The following ADCYAP1R1 variants were observed in gnomAD, a reference collection of about 807,000 sequenced individuals.
ADCYAP1R1 encodes ADCYAP receptor type I.
Under a neutral mutation model 67.6 loss-of-function variants are expected in ADCYAP1R1, and 44 were observed. The observed-to-expected ratio is 0.65, with a 90% CI of 0.51 to 0.84. The LOEUF (loss-of-function observed/expected upper bound fraction) is 0.84. ADCYAP1R1 is among the 40% of genes least tolerant of loss of function. The pLI is 0.00. For missense variants in ADCYAP1R1, 477 were observed against 587.9 expected (o/e 0.81, Z 1.95); for synonymous variants, 222 against 219.6 (o/e 1.01, Z -0.10).
At chr7:31,100,081 C>T (rs1382655332) in intron 13 of ADCYAP1R1, 3 of 1,526,382 alleles carry the variant, frequency 2.0e-6, no homozygotes, top group Non-Finnish European at 2.7e-6. Flanking sequence ...TTCTTCACTG[C>T]CTGGTGCCCC....
At chr7:31,058,933 A>G (rs1340519070) in intron 1 of ADCYAP1R1, among the ~76,000 whole-genome samples, 1 of 152,212 alleles carries the variant, frequency 6.6e-6, no homozygotes, top group African/African-American at 2.4e-5. Context: ...CACCTCCGCC[A>G]TAGAAGGAGC....
rs377208544 is a variant in ADCYAP1R1, at chr7:31,106,729, C to T, written c.*45C>T. On this transcript the variant is annotated 3_prime_UTR_variant, in exon 16 of 16. Transcript: ENST00000304166. ...CCTCTCCTCCATCCACAGGCTGGGA[C>T]CGCAGGCAGGTGCCAGCCCACGCAT... 6.6e-5 allele frequency: 101 copies of T among 1,534,138 alleles called. No homozygotes were observed. The African/African-American group carries it at 1.3e-3, about 19-fold the overall frequency.
chr7:31,064,623 C>G (rs1455174561), intron 2 of ADCYAP1R1, among the ~76,000 whole-genome samples: 1 of 152,154 alleles, frequency 6.6e-6, no homozygotes, highest in Non-Finnish European at 1.5e-5. Flanking sequence ...TGTCCAAAGC[C>G]ACACATTGAG....
chr7:31,076,301 G>A lies in ADCYAP1R1; in HGVS notation c.158-1690G>A, dbSNP rs562435697. Among the ~76,000 whole-genome samples, 7 of 152,314 alleles carry A rather than the reference G, an allele frequency of 4.6e-5. No homozygotes were observed. In the East Asian group the frequency reaches 1.4e-3, roughly 29 times the overall value. ...AGTGAAGAGGTCGCTGGTGACCTTGGTGAGAGGTGTTTCAGCATTGTGGGA... is the reference window on the plus strand; with the variant it reads ...AGTGAAGAGGTCGCTGGTGACCTTGATGAGAGGTGTTTCAGCATTGTGGGA... On this transcript the variant is annotated intron_variant, in intron 3 of 15. Coordinates refer to ENST00000304166, the MANE Select transcript of ADCYAP1R1 (RefSeq NM_001118.5).
At chr7:31,084,684 T>C in intron 7 of ADCYAP1R1, 53 bp from the exon 8 acceptor site, 1 of 1,493,320 alleles carries the variant, frequency 6.7e-7, no homozygotes, top group Non-Finnish European at 9.3e-7. Flanking sequence ...TGAGGCAGCC[T>C]GGCTGTGGGC....
chr7:31,060,826 G>T lies in ADCYAP1R1; in HGVS notation c.-71-2368G>T, dbSNP rs1783775712. Among the ~76,000 whole-genome samples the T allele has an allele frequency of 2.6e-5, 4 of 152,316 alleles. No individual in the cohort carries two copies. In the South Asian group the frequency reaches 8.3e-4, roughly 32 times the overall value. ...CCCACCAGAGCTGTTCAAACTCCTAGTTCCTCTGTGCCAGCTCCCTGGGTT... is the reference window on the plus strand; with the variant it reads ...CCCACCAGAGCTGTTCAAACTCCTATTTCCTCTGTGCCAGCTCCCTGGGTT... On this transcript the variant is annotated intron_variant, in intron 1 of 15. Transcript: ENST00000304166.
At position 31,063,183 on chromosome 7, in the gene ADCYAP1R1, T is replaced by C; in HGVS notation, c.-71-11T>C. On this transcript the variant is annotated splice_polypyrimidine_tract_variant and intron_variant, in intron 1 of 15. Coordinates refer to ENST00000304166, the MANE Select transcript of ADCYAP1R1 (RefSeq NM_001118.5). ...GGGCTCACAGGATTCACACCTTTCC[T>C]TCCTCTCTAGCCCAGAGACACATTG... 6.4e-7 allele frequency: 1 copy of C among 1,566,756 alleles called. No individual in the cohort carries two copies. Among genetic ancestry groups the C allele is most frequent in the East Asian group, 2.2e-5 (1 of 44,624 alleles).
In ADCYAP1R1 at chr7:31,092,735, T is replaced by C. The variant is rs1163985768; in HGVS notation, c.1046T>C (p.Leu349Ser). The change falls in exon 13 of 16, where the codon TTG becomes TCG. Residue 349 changes from leucine to serine, a missense_variant and splice_region_variant. Coordinates refer to ENST00000304166, the MANE Select transcript of ADCYAP1R1 (RefSeq NM_001118.5). ...DMGGNESSIY[L>S]RLARSTLLLI... ...GGAGGCAATGAGTCCAGCATCTACTTGTAAGTACCATTGTGTGGCTGCCAC... is the reference window on the plus strand; with the variant it reads ...GGAGGCAATGAGTCCAGCATCTACTCGTAAGTACCATTGTGTGGCTGCCAC... The C allele has an allele frequency of 6.2e-7, 1 of 1,608,068 alleles. No homozygotes were observed.
At chr7:31,066,309 C>T (rs1330937716) in intron 3 of ADCYAP1R1, among the ~76,000 whole-genome samples, 1 of 152,180 alleles carries the variant, frequency 6.6e-6, no homozygotes. Context: ...GCGACAAAAT[C>T]ATCCAGGAGG....
chr7:31,065,046 T>C, intron 3 of ADCYAP1R1, 110 bp downstream of exon 3: 1 of 740,770 alleles, frequency 1.3e-6, no homozygotes. Flanking sequence ...TTCTGGGGAC[T>C]TCAGAAGGCC....
At position 31,086,546 on chromosome 7, in the gene ADCYAP1R1, C is replaced by T; in HGVS notation, c.823+9C>T. 6.2e-7 allele frequency: 1 copy of T among 1,614,130 alleles called. No individual in the cohort carries two copies. The highest frequency in any genetic ancestry group is 8.5e-7 in the Non-Finnish European group (1 of 1,179,996). On this transcript the variant is annotated intron_variant, in intron 10 of 15. Transcript: ENST00000304166. This position sits in a 1 kb window ranked among gnomAD's most constrained non-coding sequence, Gnocchi z 5.0. Reference sequence around the variant, plus strand: ...CACCATCATTGGCTGGGGTAGGTTCCTGGCTGTGGCTTGGACAGGTTCAGG... The same window carrying T: ...CACCATCATTGGCTGGGGTAGGTTCTTGGCTGTGGCTTGGACAGGTTCAGG...
chr7:31,060,049 T>C (rs992221229), intron 1 of ADCYAP1R1, among the ~76,000 whole-genome samples: 1 of 150,536 alleles, frequency 6.6e-6, no homozygotes, highest in Non-Finnish European at 1.5e-5. Flanking sequence ...TTACCCTGGG[T>C]CACTGGGCTG....
chr7:31,053,005 G>A (rs1284124818), intron 1 of ADCYAP1R1, among the ~76,000 whole-genome samples: 1 of 152,236 alleles, frequency 6.6e-6, no homozygotes, highest in African/African-American at 2.4e-5. Flanking sequence ...CTCCTGATGC[G>A]GAGAAGGGAG....
chr7:31,087,082 C>A, intron 11 of ADCYAP1R1, 79 bp downstream of exon 11: 1 of 1,488,438 alleles, frequency 6.7e-7, no homozygotes, highest in Non-Finnish European at 9.4e-7. Context: ...GCCCTGACTT[C>A]ACATGAACTG....
rs58719181 is a variant in ADCYAP1R1, at chr7:31,102,867, C to T, written c.1047-370C>T. 0.082 allele frequency among the ~76,000 whole-genome samples: 12,452 copies of T among 152,242 alleles called. 593 individuals carry two copies. The highest frequency in any genetic ancestry group is 0.15 in the Middle Eastern group (45 of 294). ...AGAGCTTTCTTCCAGAACAGGAGAG[C>T]GGCTGCTCTGCCTGAGGACCCTGCA... On this transcript the variant is annotated intron_variant, in intron 13 of 15. Transcript: ENST00000304166. The surrounding 1 kb of genome is among the most constrained non-coding windows in gnomAD (Gnocchi z 4.3).
chr7:31,085,372 C>T lies in ADCYAP1R1; in HGVS notation c.599C>T (p.Ala200Val), dbSNP rs1409233204. ...CTGTTTGTGTCGTTCATGCTGAGGG[C>T]GATCTCCGTCTTCATCAAAGACTGG... ...MNLFVSFMLR[A>V]ISVFIKDWIL... The change falls in exon 9 of 16, where the codon GCG becomes GTG. Residue 200 changes from alanine to valine, a missense_variant. Coordinates refer to ENST00000304166, the MANE Select transcript of ADCYAP1R1 (RefSeq NM_001118.5). 12 of 1,613,916 alleles carry T rather than the reference C, an allele frequency of 7.4e-6. No homozygotes were observed. Among genetic ancestry groups the T allele is most frequent in the Non-Finnish European group, 9.3e-6 (11 of 1,180,022 alleles).
At chr7:31,097,861 A>C (rs568683828) in intron 13 of ADCYAP1R1, among the ~76,000 whole-genome samples, 1 of 152,092 alleles carries the variant, frequency 6.6e-6, no homozygotes, top group Non-Finnish European at 1.5e-5. Context: ...ACCCAAGCCA[A>C]GGTTGAGGGG....
intron 3 of ADCYAP1R1, among the ~76,000 whole-genome samples, chr7:31,073,131 T>G (rs1383555111): frequency 6.6e-6 from 1 of 152,206 alleles, no homozygotes; most frequent in Non-Finnish European, 1.5e-5. Context: ...GACAGTAAGT[T>G]TGCTTACAAA....
At position 31,061,115 on chromosome 7, in the gene ADCYAP1R1, C is replaced by T. The variant is rs143206535; in HGVS notation, c.-71-2079C>T. 1.8e-3 allele frequency among the ~76,000 whole-genome samples: 271 copies of T among 152,356 alleles called. 2 individuals are homozygous for T. Among genetic ancestry groups the T allele is most frequent in the African/African-American group, 6.3e-3 (264 of 41,592 alleles). On this transcript the variant is annotated intron_variant, in intron 1 of 15. Transcript: ENST00000304166. ...CGGGGTAGTGCTGCTGCCACCTCAA[C>T]GTGTTGCTGGGAGCAAGGAGCTCTG...
Sources: allele counts gnomAD v4.1 joint callset (sites outside exome capture counted in the v4.1 genomes callset), GRCh38; gene constraint gnomAD v4.1.1; non-coding constraint Gnocchi (gnomAD v3.1); transcripts MANE v1.5; gene names NCBI Gene and HGNC (gene_info 2026-07-23, HGNC 2026-07-21).